THSD4: variants seen among roughly 807,000 people sequenced by gnomAD.
THSD4 encodes the protein thrombospondin type 1 domain containing 4.
In THSD4, 69 loss-of-function variants were observed where a neutral mutation model predicts 119.0. The observed-to-expected ratio is 0.58, with a 90% CI of 0.48 to 0.71. The LOEUF (loss-of-function observed/expected upper bound fraction) is 0.71. THSD4 is among the 30% of genes least tolerant of loss of function. THSD4 has a pLI of 0.00. For synonymous variants in THSD4, 524 were observed against 540.4 expected, an observed-to-expected ratio of 0.97 and a Z score of 0.42; for missense variants, 1,393 against 1,391.1, an observed-to-expected ratio of 1.00 and a Z score of -0.02.
At position 71,215,167 on chromosome 15, in the gene THSD4, C is replaced by T; in HGVS notation, c.232C>T (p.Arg78Trp). The change falls in exon 4 of 18, where the codon CGG (arginine) becomes TGG (tryptophan). Residue 78 changes from arginine (R) to tryptophan (W), a missense_variant. Coordinates refer to ENST00000261862, the MANE Select transcript of THSD4 (RefSeq NM_024817.3). ...SCSGGVMEQT[R>W]PCLPRSYRLR... Reference sequence around the variant, plus strand: ...CAGCGGCGGCGTGATGGAGCAGACGCGGCCCTGCCTGCCCCGCTCCTACCG... The same window carrying T: ...CAGCGGCGGCGTGATGGAGCAGACGTGGCCCTGCCTGCCCCGCTCCTACCG... 2.2e-6 allele frequency: 3 copies of T among 1,377,690 alleles called. No individual in the cohort carries two copies. The highest frequency in any genetic ancestry group is 1.9e-6 in the Non-Finnish European group (2 of 1,064,684). 85.3% of individuals were successfully genotyped at this position (1,377,690 alleles called of 1,614,324 possible).
At chr15:71,318,263 G>T (rs1162228577) in intron 6 of THSD4, among the ~76,000 whole-genome samples, 1 of 152,176 alleles carries the variant, frequency 6.6e-6, no homozygotes, top group East Asian at 1.9e-4. Flanking sequence ...AGTCACCACA[G>T]ACTAGGAGAG....
chr15:71,563,551 T>G (rs1416035978), intron 7 of THSD4, among the ~76,000 whole-genome samples: 2 of 152,182 alleles, frequency 1.3e-5, no homozygotes, highest in Non-Finnish European at 2.9e-5. Flanking sequence ...ATCATAATGG[T>G]TAAGCCAAAT....
At chr15:71,754,681 C>A (rs949482441) in intron 14 of THSD4, among the ~76,000 whole-genome samples, 1 of 152,090 alleles carries the variant, frequency 6.6e-6, no homozygotes, top group East Asian at 1.9e-4. Flanking sequence ...GTTTCCTCTG[C>A]ATTCTTAGGT....
rs1158699444 is a variant in THSD4, at chr15:71,141,536, C to T, written c.9C>T (p.Ser3=). Residue 3 remains serine (S), a synonymous_variant, in exon 2 of 18, where the codon TCC becomes TCT. Transcript: ENST00000261862. MV[S]HFMGSLSVLC... is the part of the protein sequence containing the mutation. Reference sequence around the variant, plus strand: ...CCTGGACCCCCAGCATCATGGTTTCCCATTTCATGGGGTCTCTCAGGTAAG... The same window carrying T: ...CCTGGACCCCCAGCATCATGGTTTCTCATTTCATGGGGTCTCTCAGGTAAG... 6.2e-7 allele frequency: 1 copy of T among 1,609,868 alleles called. No homozygotes were observed. Among genetic ancestry groups the T allele is most frequent in the East Asian group, 2.2e-5 (1 of 44,848 alleles).
chr15:71,742,897 A>C (rs2053263118), intron 11 of THSD4, among the ~76,000 whole-genome samples: 1 of 152,094 alleles, frequency 6.6e-6, no homozygotes, highest in African/African-American at 2.4e-5. Flanking sequence ...TCTACTAAAA[A>C]TACAAAAATC....
Position 71,697,877 on chromosome 15 carries a change from T to C in THSD4, c.1358-30672T>C, listed in dbSNP as rs143900435. 6.6e-5 allele frequency among the ~76,000 whole-genome samples: 10 copies of C among 152,312 alleles called. No individual in the cohort carries two copies. In the East Asian group the frequency reaches 1.9e-3, roughly 29 times the overall value. ...ATGTCTCATCTTTGAAGTTCTTTTT[T>C]CTCTATGTATGCATGGAAAGGGAAC... On this transcript the variant is annotated intron_variant, in intron 8 of 17. Transcript: ENST00000261862.
At chr15:71,526,923 A>G (rs1315657484) in intron 7 of THSD4, among the ~76,000 whole-genome samples, 1 of 152,228 alleles carries the variant, frequency 6.6e-6, no homozygotes, top group Non-Finnish European at 1.5e-5. Flanking sequence ...GCACAGTGTC[A>G]TGTCAAGTTA....
At chr15:71,569,544 A>C (rs1336106130) in intron 7 of THSD4, among the ~76,000 whole-genome samples, 1 of 152,240 alleles carries the variant, frequency 6.6e-6, no homozygotes, top group Non-Finnish European at 1.5e-5. Flanking sequence ...AAATGGAGCA[A>C]AGAGGAAACT....
Position 71,754,282 on chromosome 15 carries a change from G to T in THSD4, c.2416-3620G>T, listed in dbSNP as rs568863451. On this transcript the variant is annotated intron_variant, in intron 14 of 17. Transcript: ENST00000261862. ...TTTTTGTATTTTTAGTAGAGATGGGGTTTCACTATGTTGGCCAGGCTGGTC... is the reference window on the plus strand; with the variant it reads ...TTTTTGTATTTTTAGTAGAGATGGGTTTTCACTATGTTGGCCAGGCTGGTC... 7.9e-5 allele frequency among the ~76,000 whole-genome samples: 12 copies of T among 152,080 alleles called. 1 individual carries two copies. In the South Asian group the frequency reaches 8.3e-4, roughly 11 times the overall value.
At chr15:71,117,162 A>G (rs1437688005) in intron 1 of THSD4, among the ~76,000 whole-genome samples, 1 of 152,178 alleles carries the variant, frequency 6.6e-6, no homozygotes, top group Non-Finnish European at 1.5e-5. Flanking sequence ...GAGGCTGGCC[A>G]GTGGAACTCA....
chr15:71,738,601 C>T (rs2053174347), intron 11 of THSD4, among the ~76,000 whole-genome samples: 1 of 152,178 alleles, frequency 6.6e-6, no homozygotes, highest in South Asian at 2.1e-4. Context: ...AGATGCCAGG[C>T]GCCAGCTTCC....
chr15:71,442,583 T>A (rs374185910), intron 7 of THSD4, among the ~76,000 whole-genome samples: 2,100 of 18,700 alleles, frequency 0.11, 383 homozygotes, highest in African/African-American at 0.16. Context: ...AAAAAAAATA[T>A]ATATATATAT....
intron 6 of THSD4, among the ~76,000 whole-genome samples, chr15:71,405,499 A>G (rs1389826862): frequency 1.3e-5 from 2 of 152,224 alleles, no homozygotes; most frequent in African/African-American, 2.4e-5. Flanking sequence ...TCAATTGTCC[A>G]TAAATGTAAG....
chr15:71,222,007 A>AT (rs1189191776), intron 4 of THSD4, among the ~76,000 whole-genome samples: 1 of 152,028 alleles, frequency 6.6e-6, no homozygotes, highest in African/African-American at 2.4e-5. Context: ...GATGTTGAAC[A>AT]TTTTTTTATG....
chr15:71,412,573 G>C (rs983287549), intron 7 of THSD4, among the ~76,000 whole-genome samples: 1 of 152,192 alleles, frequency 6.6e-6, no homozygotes, highest in Non-Finnish European at 1.5e-5. Flanking sequence ...CAAACGAAGA[G>C]TCTCTCTTAA....
chr15:71,623,130 A>C (rs983558902), intron 7 of THSD4, among the ~76,000 whole-genome samples: 1 of 152,156 alleles, frequency 6.6e-6, no homozygotes, highest in Non-Finnish European at 1.5e-5. Flanking sequence ...GTGCCACTGG[A>C]AAGAATTGGA....
intron 8 of THSD4, 110 bp from the exon 9 acceptor site, chr15:71,728,439 A>T: frequency 7.6e-7 from 1 of 1,318,224 alleles, no homozygotes; most frequent in South Asian, 1.4e-5. Flanking sequence ...CACATAGTGG[A>T]TCCTGTCAAA....
At chr15:71,115,304 C>G (rs2141348318), upstream of THSD4, 1 of 152,556 alleles carries the variant, frequency 6.6e-6, no homozygotes, top group Middle Eastern at 3.4e-3. This position sits in a 1 kb window ranked among gnomAD's most constrained non-coding sequence, Gnocchi z 4.4. Context: ...TCCCCTGGGA[C>G]CCAGGGACCA....
At chr15:71,605,375 G>A (rs1452164730) in intron 7 of THSD4, among the ~76,000 whole-genome samples, 1 of 152,250 alleles carries the variant, frequency 6.6e-6, no homozygotes, top group East Asian at 1.9e-4. Context: ...TGGCCTCTAG[G>A]TGGATTGAGA....
Sources: gnomAD v4.1 joint callset for allele counts (sites outside exome capture counted in the v4.1 genomes callset) on GRCh38, gnomAD v4.1.1 for gene constraint, Gnocchi (gnomAD v3.1) non-coding constraint, MANE v1.5 for transcripts, NCBI Gene and HGNC (gene_info 2026-07-23, HGNC 2026-07-21) for gene names.